The following LTBP4 variants were observed in gnomAD, a reference collection of about 807,000 sequenced individuals.
LTBP4 encodes the protein latent-transforming growth factor beta-binding protein 4.
A neutral mutation model predicts 180.2 loss-of-function variants in LTBP4; 93 were observed. The observed-to-expected ratio is 0.52, with a 90% CI of 0.44 to 0.61. The LOEUF is 0.61. Among genes scored for constraint, LTBP4 ranks in the 20% least tolerant of loss-of-function variants. LTBP4 has a pLI of 0.00. For missense variants in LTBP4, 2,116 were observed against 2,256.5 expected (o/e 0.94, Z 1.26); for synonymous variants, 947 against 934.5 (o/e 1.01, Z -0.24).
At chr19:40,600,107 C>A, upstream of LTBP4, 1 of 1,258,992 alleles carries the variant, frequency 7.9e-7, no homozygotes, top group Non-Finnish European at 1.0e-6. This position sits in a 1 kb window ranked among gnomAD's most constrained non-coding sequence, Gnocchi z 4.4. Flanking sequence ...GGCGGCGGCC[C>A]CGGGGGCCAG....
Position 40,613,998 on chromosome 19 carries a change from T to G in LTBP4, c.2640T>G (p.Pro880=). The stretch of plus-strand genomic sequence containing the variant: ...ACGGCTCCTTCGAGTGCATCTGTCC[T>G]CCGGGACACCGCGCTGGCCCGGACC... ...NTDGSFECIC[P]PGHRAGPDLA... The change falls in exon 18 of 30, where the codon CCT becomes CCG. Residue 880 remains proline, a synonymous_variant. Coordinates refer to ENST00000396819, the MANE Select transcript of LTBP4 (RefSeq NM_001042545.2). The surrounding 1 kb of genome is among the most constrained non-coding windows in gnomAD (Gnocchi z 5.0). The G allele has an allele frequency of 6.2e-7, 1 of 1,613,402 alleles. No homozygotes were observed. The highest frequency in any genetic ancestry group is 8.5e-7 in the Non-Finnish European group (1 of 1,179,760).
Position 40,607,429 on chromosome 19 carries a change from G to C in LTBP4, c.1056G>C (p.Ser352=), listed in dbSNP as rs1224013719. ...CFRVLRDGGC[S]LPILRNITKQ... is the part of the protein sequence containing the mutation. ...GCGTGCTCCGCGACGGCGGCTGTTCGCTGCCCATTCTGCGGAACATCACTA... is the reference window on the plus strand; with the variant it reads ...GCGTGCTCCGCGACGGCGGCTGTTCCCTGCCCATTCTGCGGAACATCACTA... The change falls in exon 7 of 30, where the codon TCG becomes TCC. Residue 352 remains serine (S), a synonymous_variant. Transcript: ENST00000396819. 1.2e-6 allele frequency: 2 copies of C among 1,613,070 alleles called. No homozygotes were observed. The highest frequency in any genetic ancestry group is 2.2e-5 in the East Asian group (1 of 44,882).
At chr19:40,594,818 G>A (rs2081382169) in intron 1 of LTBP4, among the ~76,000 whole-genome samples, 1 of 152,154 alleles carries the variant, frequency 6.6e-6, no homozygotes, top group African/African-American at 2.4e-5. Flanking sequence ...GTAGGTGGCA[G>A]TAATGGTGTG....
intron 27 of LTBP4, 30 bp downstream of exon 27, chr19:40,626,039 A>G: frequency 6.4e-7 from 1 of 1,560,474 alleles, no homozygotes; most frequent in Non-Finnish European, 8.6e-7. Context: ...CTGAACTCAG[A>G]GGCCTTGCCC....
At chr19:40,624,385 T>A (rs1477570072) in intron 26 of LTBP4, among the ~76,000 whole-genome samples, 1 of 152,232 alleles carries the variant, frequency 6.6e-6, no homozygotes, top group African/African-American at 2.4e-5. Context: ...TGAGGAATTT[T>A]ATTTAATTTT....
chr19:40,606,598 G>A (rs572325843), intron 6 of LTBP4, 72 bp downstream of exon 6: 1 of 1,513,136 alleles, frequency 6.6e-7, no homozygotes, highest in East Asian at 2.5e-5. Context: ...GCATCCTGGG[G>A]CCTTTAATTC....
chr19:40,614,227 T>C, intron 18 of LTBP4, 88 bp from the exon 19 acceptor site: 1 of 1,468,980 alleles, frequency 6.8e-7, no homozygotes, highest in Non-Finnish European at 9.2e-7. Context: ...TTCCCCGGCC[T>C]CCCCCTTCTG....
At position 40,606,485 on chromosome 19, in the gene LTBP4, CCGACGGCTTTCTGCT is replaced by C; in HGVS notation, c.955_969del (p.Gly319_Asp323del). ...CGCGGCGGGTACACGTGTGTGTGCC[CCGACGGCTTTCTGCT>C]CGACTCGTCCCGCAGCAGCTGCATC... On this transcript the variant is annotated inframe_deletion, in exon 6 of 30. Coordinates refer to ENST00000396819, the MANE Select transcript of LTBP4 (RefSeq NM_001042545.2). 6.3e-7 allele frequency: 1 copy of C among 1,578,018 alleles called. No homozygotes were observed. Among genetic ancestry groups the C allele is most frequent in the Non-Finnish European group, 8.6e-7 (1 of 1,163,106 alleles).
intron 26 of LTBP4, among the ~76,000 whole-genome samples, chr19:40,625,264 A>G (rs1325540855): frequency 5.9e-4 from 1 of 1,694 alleles, no homozygotes; most frequent in African/African-American, 3.5e-3. Context: ...ATATATATAT[A>G]TATATATATA....
At chr19:40,614,523 G>C (rs1174167550) in intron 19 of LTBP4, 77 bp downstream of exon 19, 2 of 1,514,498 alleles carry the variant, frequency 1.3e-6, no homozygotes, top group South Asian at 1.2e-5. Context: ...ACTGAGGAGG[G>C]GCGCCCTGCT....
At position 40,613,924 on chromosome 19, in the gene LTBP4, G is replaced by A; in HGVS notation, c.2566G>A (p.Glu856Lys). The A allele has an allele frequency of 1.2e-6, 2 of 1,613,652 alleles. No individual in the cohort carries two copies. Among genetic ancestry groups the A allele is most frequent in the Non-Finnish European group, 1.7e-6 (2 of 1,179,798 alleles). The change falls in exon 18 of 30, where the codon GAG becomes AAG. Residue 856 changes from glutamate to lysine, a missense_variant. Around this residue, in one of 5 missense-constraint regions of LTBP4, gnomAD observed 877 missense variants for 873.6 expected, o/e 1.00. Transcript: ENST00000396819. The surrounding 1 kb of genome is among the most constrained non-coding windows in gnomAD (Gnocchi z 5.0). ...PRGASCLDVD[E>K]CSEEDLCQSG... ...GACGCCCTGTCCCGCAGACGTTGAC[G>A]AGTGCAGCGAGGAGGACCTTTGCCA...
At chr19:40,606,176 C>T in intron 4 of LTBP4, 57 bp from the exon 5 acceptor site, 2 of 1,446,524 alleles carry the variant, frequency 1.4e-6, no homozygotes, top group South Asian at 2.4e-5. Context: ...CGTCTCTGCC[C>T]ACTCCATTCT....
intron 22 of LTBP4, 49 bp downstream of exon 22, chr19:40,619,542 A>C: frequency 1.3e-6 from 2 of 1,549,274 alleles, no homozygotes; most frequent in Non-Finnish European, 1.7e-6. Flanking sequence ...CCCATGGGAA[A>C]ATCACGTGGT....
At position 40,606,272 on chromosome 19, in the gene LTBP4, C is replaced by A; in HGVS notation, c.833C>A (p.Pro278Gln). ...ERVSAPDGPC[P>Q]TGFERVNGSC... ...GTGAGCGCCCCAGATGGACCTTGTC[C>A]AACCGGCTTTGAAAGAGTTAATGGG... Residue 278 changes from proline (P) to glutamine (Q), a missense_variant, in exon 5 of 30, where the codon CCA becomes CAA. By Grantham distance (76) the Pro-to-Gln change is moderately conservative. Coordinates refer to ENST00000396819, the MANE Select transcript of LTBP4 (RefSeq NM_001042545.2). The A allele has an allele frequency of 6.2e-7, 1 of 1,600,446 alleles. No individual in the cohort carries two copies.
chr19:40,599,653 C>A, upstream of LTBP4: 3 of 1,167,886 alleles, frequency 2.6e-6, no homozygotes, highest in South Asian at 1.4e-5. Context: ...CCCTCTCTCT[C>A]CCCCCTCCCT....
intron 28 of LTBP4, 32 bp downstream of exon 28, chr19:40,627,387 A>G (rs750649785): frequency 5.0e-5 from 74 of 1,470,272 alleles, no homozygotes; most frequent in Admixed American, 7.1e-5. Context: ...TGAGACTGAG[A>G]TGAGGGGTGA....
At chr19:40,624,269 G>A (rs2081609347) in intron 26 of LTBP4, among the ~76,000 whole-genome samples, 187 bp downstream of exon 26, 1 of 133,794 alleles carries the variant, frequency 7.5e-6, no homozygotes. Context: ...GAGCTGGCTA[G>A]GTGGTTAAAG....
chr19:40,605,099 C>T lies in LTBP4; in HGVS notation c.315C>T (p.Pro105=). The change falls in exon 2 of 30, where the codon CCC becomes CCT. Residue 105 remains proline (P), a synonymous_variant. Coordinates refer to ENST00000396819, the MANE Select transcript of LTBP4 (RefSeq NM_001042545.2). The surrounding 1 kb of genome is among the most constrained non-coding windows in gnomAD (Gnocchi z 5.5). ...TGAAGCCTGACCGCTGCCTCTGTCC[C>T]CCGGACTTCGCTGGCAAGTTCTGCC... The part of the protein sequence containing the change: ...VCVKPDRCLC[P]PDFAGKFCQL... 2 of 1,613,922 alleles carry T rather than the reference C, an allele frequency of 1.2e-6. No individual in the cohort carries two copies. The highest frequency in any genetic ancestry group is 1.3e-5 in the African/African-American group (1 of 75,052).
chr19:40,597,587 G>A (rs2081397905), upstream of LTBP4, among the ~76,000 whole-genome samples: 1 of 152,066 alleles, frequency 6.6e-6, no homozygotes, highest in African/African-American at 2.4e-5. Flanking sequence ...CCCCTTTATT[G>A]TGGTGGAGAA....
Sources: gnomAD v4.1 joint callset for allele counts (sites outside exome capture counted in the v4.1 genomes callset) on GRCh38, gnomAD v4.1.1 for gene constraint, gnomAD v4.1.1 regional missense constraint, Gnocchi (gnomAD v3.1) non-coding constraint, MANE v1.5 for transcripts, NCBI Gene and HGNC (gene_info 2026-07-23, HGNC 2026-07-21) for gene names.